The following ACSL4 variants were observed in gnomAD, a reference collection of about 807,000 sequenced individuals.
ACSL4 encodes long-chain-fatty-acid--CoA ligase 4.
Under a neutral mutation model 49.1 loss-of-function variants are expected in ACSL4, and 9 were observed. The ratio of observed to expected loss-of-function variants is 0.18; its 90% confidence interval spans 0.11 to 0.32. The LOEUF is 0.32. ACSL4 is among the 10% of genes least tolerant of loss of function. ACSL4 has a pLI of 1.00. For missense variants in ACSL4, 333 were observed against 493.7 expected, an observed-to-expected ratio of 0.67 and a Z score of 3.08; for synonymous variants, 191 against 170.3, an observed-to-expected ratio of 1.12 and a Z score of -0.95.
chrX:109,725,137 G>A (rs2147553992), intron 1 of ACSL4, among the ~76,000 whole-genome samples: 1 of 110,146 alleles, frequency 9.1e-6, no homozygotes, highest in South Asian at 3.9e-4. Context: ...TTGGAATGCA[G>A]TGGTGTGATC....
chrX:109,728,228 G>A (rs1396124378), intron 1 of ACSL4, among the ~76,000 whole-genome samples: 1 of 112,367 alleles, frequency 8.9e-6, no homozygotes, highest in East Asian at 2.8e-4. Context: ...GAAAAATGCA[G>A]TCTAGACAGT....
Position 109,661,562 on chromosome X carries a change from G to A in ACSL4, c.1666C>T (p.Leu556Phe). 1 of 1,208,778 alleles carries A rather than the reference G, an allele frequency of 8.3e-7. No individual in the cohort carries two copies. Among genetic ancestry groups the A allele is most frequent in the Non-Finnish European group, 1.1e-6 (1 of 893,251 alleles). Residue 556 changes from leucine (L) to phenylalanine (F), a missense_variant, in exon 14 of 16, where the codon CTT (leucine) becomes TTT (phenylalanine). Leu to Phe is a conservative substitution (Grantham distance 22). This residue lies in a region of ACSL4 where 175 missense variants were observed against 275.8 expected (regional missense o/e 0.63). Transcript: ENST00000672401. Reference sequence around the variant, plus strand: ...GCAAAAGCACAGATGTTGTCAATAAGTGGACAATTCTTCAGTGCAGCTTCT... The same window carrying A: ...GCAAAAGCACAGATGTTGTCAATAAATGGACAATTCTTCAGTGCAGCTTCT... ...KVEAALKNCP[L>F]IDNICAFAKS...
intron 9 of ACSL4, among the ~76,000 whole-genome samples, chrX:109,673,127 G>A (rs766455495): frequency 8.9e-5 from 10 of 111,935 alleles, no homozygotes; most frequent in African/African-American, 3.2e-4. Flanking sequence ...GCCTAAAATC[G>A]GAGATTACTT....
chrX:109,687,926 T>C (rs918353473), intron 2 of ACSL4, among the ~76,000 whole-genome samples: 2 of 111,546 alleles, frequency 1.8e-5, no homozygotes, highest in Non-Finnish European at 3.8e-5. Context: ...TCCTATCCAA[T>C]TCTCCACCTA....
At chrX:109,678,155 C>T in intron 7 of ACSL4, 44 bp from the exon 8 acceptor site, 1 of 1,206,688 alleles carries the variant, frequency 8.3e-7, no homozygotes, top group Non-Finnish European at 1.1e-6. Context: ...CTTGAAAAGG[C>T]ATTTGAAGTT....
At chrX:109,665,525 C>G (rs1465427197) in intron 11 of ACSL4, 31 bp from the exon 12 acceptor site, 1 of 1,090,029 alleles carries the variant, frequency 9.2e-7, no homozygotes, top group Non-Finnish European at 1.3e-6. Flanking sequence ...GAGATATTAG[C>G]ATACCACATT....
intron 1 of ACSL4, among the ~76,000 whole-genome samples, chrX:109,708,101 C>T (rs1278067055): frequency 9.0e-6 from 1 of 111,560 alleles, no homozygotes; most frequent in African/African-American, 3.3e-5. Flanking sequence ...TGCGCCACCA[C>T]ATCAGGCTAA....
intron 1 of ACSL4, among the ~76,000 whole-genome samples, chrX:109,714,309 GTGTT>G (rs1388982330): frequency 8.9e-6 from 1 of 112,325 alleles, no homozygotes; most frequent in Non-Finnish European, 1.9e-5. Context: ...GCTGTACAGT[GTGTT>G]TGTTTTAAGC....
chrX:109,661,147 T>C (rs1922145825), intron 14 of ACSL4, among the ~76,000 whole-genome samples: 1 of 111,840 alleles, frequency 8.9e-6, no homozygotes, highest in Non-Finnish European at 1.9e-5. Context: ...CATATCAACA[T>C]ATAAAGAAAA....
chrX:109,713,548 A>G (rs1926907353), intron 1 of ACSL4, among the ~76,000 whole-genome samples: 1 of 111,046 alleles, frequency 9.0e-6, no homozygotes, highest in South Asian at 3.8e-4. Context: ...ACCACATAAA[A>G]TTGCCAATAG....
chrX:109,730,998 T>C (rs970119095), intron 1 of ACSL4, among the ~76,000 whole-genome samples: 19 of 111,881 alleles, frequency 1.7e-4, no homozygotes, highest in Non-Finnish European at 3.2e-4. Context: ...GCCATGGACA[T>C]TTAAAAAATA....
intron 1 of ACSL4, among the ~76,000 whole-genome samples, chrX:109,707,445 A>C (rs1327105107): frequency 8.9e-6 from 1 of 112,325 alleles, no homozygotes; most frequent in Non-Finnish European, 1.9e-5. Flanking sequence ...TACTTCCTGC[A>C]CTTGTAATTT....
rs777227208 is a variant in ACSL4, at chrX:109,688,732, G to A, written c.-12-5357C>T. On this transcript the variant is annotated intron_variant, in intron 2 of 15. Coordinates refer to ENST00000672401, the MANE Select transcript of ACSL4 (RefSeq NM_001318510.2). ...CACTGGCAGCCTTTAACACAGCTGA[G>A]CCCTCTTCTGCTTTAAACTTCTTCA... Among the ~76,000 whole-genome samples the A allele has an allele frequency of 2.5e-3, 273 of 111,089 alleles. 1 individual carries two copies. The highest frequency in any genetic ancestry group is 4.3e-3 in the Non-Finnish European group (227 of 52,990).
chrX:109,726,085 T>C (rs1376828145), intron 1 of ACSL4, among the ~76,000 whole-genome samples: 1 of 112,026 alleles, frequency 8.9e-6, no homozygotes, highest in Non-Finnish European at 1.9e-5. Context: ...CACTCATATA[T>C]TGTCAGGTTA....
At chrX:109,719,573 G>A (rs780475278) in intron 1 of ACSL4, among the ~76,000 whole-genome samples, 7 of 112,631 alleles carry the variant, frequency 6.2e-5, no homozygotes, top group Non-Finnish European at 1.3e-4. Flanking sequence ...GAATAAAATA[G>A]AAGGTGGGGA....
chrX:109,662,341 C>A (rs1922240755), intron 13 of ACSL4, among the ~76,000 whole-genome samples: 1 of 110,924 alleles, frequency 9.0e-6, no homozygotes, highest in Admixed American at 9.6e-5. Flanking sequence ...GGGAAAAAAG[C>A]TTATTGTTTC....
chrX:109,648,529 A>T (rs1270690151), intron 15 of ACSL4, among the ~76,000 whole-genome samples: 1 of 111,488 alleles, frequency 9.0e-6, no homozygotes, highest in Non-Finnish European at 1.9e-5. Context: ...GTATTTCAAA[A>T]TAATAAGAGC....
At chrX:109,691,595 C>T (rs1352555786) in intron 2 of ACSL4, among the ~76,000 whole-genome samples, 2 of 112,000 alleles carry the variant, frequency 1.8e-5, no homozygotes, top group African/African-American at 6.5e-5. Context: ...TAAATGAAAT[C>T]AAACTTTACA....
At chrX:109,649,715 A>C (rs1033599667) in intron 15 of ACSL4, among the ~76,000 whole-genome samples, 1 of 110,449 alleles carries the variant, frequency 9.1e-6, no homozygotes, top group Non-Finnish European at 1.9e-5. Context: ...ACAGCAAAAG[A>C]AACTACCATC....
Sources: allele counts gnomAD v4.1 joint callset (sites outside exome capture counted in the v4.1 genomes callset), GRCh38; gene constraint gnomAD v4.1.1; regional missense constraint gnomAD v4.1.1; transcripts MANE v1.5; gene names NCBI Gene and HGNC (gene_info 2026-07-23, HGNC 2026-07-21).